Variants in DNTT observed in about 807,000 individuals in gnomAD.
DNTT encodes DNA nucleotidylexotransferase, also known as nucleosidetriphosphate:DNA deoxynucleotidylexotransferase.
Under a neutral mutation model 60.9 loss-of-function variants are expected in DNTT, and 47 were observed. That is an observed-to-expected ratio of 0.77 (90% confidence interval 0.61 to 0.98). DNTT has a LOEUF of 0.98. DNTT is among the 50% of genes least tolerant of loss of function. DNTT has a pLI of 0.00. For synonymous variants in DNTT, 224 were observed against 221.2 expected, an observed-to-expected ratio of 1.01 and a Z score of -0.11; for missense variants, 665 against 627.5, an observed-to-expected ratio of 1.06 and a Z score of -0.64.
intron 1 of DNTT, among the ~76,000 whole-genome samples, chr10:96,310,675 C>A (rs1436413975): frequency 1.3e-5 from 2 of 152,156 alleles, no homozygotes; most frequent in Non-Finnish European, 1.5e-5. Context: ...ATCCAATTAC[C>A]CCTCTCTGAC....
At chr10:96,318,281 C>A in intron 1 of DNTT, 71 bp from the exon 2 acceptor site, 1 of 1,532,184 alleles carries the variant, frequency 6.5e-7, no homozygotes, top group Non-Finnish European at 8.8e-7. Flanking sequence ...TGCTCAGAAA[C>A]CTTGAGGAAA....
chr10:96,304,734 C>G (rs779903516), intron 1 of DNTT, 34 bp downstream of exon 1: 1 of 1,600,848 alleles, frequency 6.2e-7, no homozygotes, highest in Non-Finnish European at 8.5e-7. Flanking sequence ...TGTAAATAAG[C>G]AGAGGCTTTG....
chr10:96,308,969 G>C (rs1015419475), intron 1 of DNTT, among the ~76,000 whole-genome samples: 1 of 152,136 alleles, frequency 6.6e-6, no homozygotes, highest in Non-Finnish European at 1.5e-5. Flanking sequence ...GGATGTATAC[G>C]TGCAGGTCAC....
chr10:96,314,402 C>CTTGTTTTTTT (rs1844758825), intron 1 of DNTT, among the ~76,000 whole-genome samples: 1 of 53,230 alleles, frequency 1.9e-5, no homozygotes, highest in Non-Finnish European at 3.9e-5. Flanking sequence ...TATCTCTTCC[C>CTTGTTTTTTT]TTTTTTTTTT....
At position 96,332,587 on chromosome 10, in the gene DNTT, T is replaced by C; in HGVS notation, c.1350T>C (p.Thr450=). ...GTGCCTTTGCCCTGTTGGGATGGAC[T>C]GGCTCCCGGGTAAGTGCTACATGGA... is the stretch of plus-strand genomic sequence containing the variant. ...ERRAFALLGW[T]GSRQFERDLR... Residue 450 remains threonine, a synonymous_variant, in exon 9 of 11, where the codon ACT becomes ACC. Coordinates refer to ENST00000371174, the MANE Select transcript of DNTT (RefSeq NM_004088.4). The C allele has an allele frequency of 3.1e-6, 5 of 1,613,240 alleles. No individual in the cohort carries two copies. Among genetic ancestry groups the C allele is most frequent in the Non-Finnish European group, 4.2e-6 (5 of 1,179,712 alleles).
At position 96,328,844 on chromosome 10, in the gene DNTT, T is replaced by A. The variant is rs111999650; in HGVS notation, c.1113+14T>A. On this transcript the variant is annotated intron_variant, in intron 8 of 10. Transcript: ENST00000371174. ...TGGGAAAAGAAGGTGAGAAGAAAGA[T>A]GAAAAATACATGCACACGCAAACAT... is the stretch of plus-strand genomic sequence containing the variant. 9.1e-5 allele frequency: 147 copies of A among 1,608,702 alleles called. No individual in the cohort carries two copies. The highest frequency in any genetic ancestry group is 1.6e-4 in the Middle Eastern group (1 of 6,064).
chr10:96,334,107 T>C (rs1033921073), intron 9 of DNTT, among the ~76,000 whole-genome samples: 4 of 152,198 alleles, frequency 2.6e-5, no homozygotes, highest in African/African-American at 9.7e-5. Flanking sequence ...AATTATTATA[T>C]GTTAATTAAA....
intron 1 of DNTT, among the ~76,000 whole-genome samples, chr10:96,307,638 G>C (rs779297107): frequency 5.4e-5 from 8 of 147,924 alleles, no homozygotes; most frequent in Non-Finnish European, 1.0e-4. Flanking sequence ...ACAAGCGTGA[G>C]CACCGTGCCT....
At chr10:96,307,699 G>GTATATATATATA (rs1483322695) in intron 1 of DNTT, among the ~76,000 whole-genome samples, 3 of 68,888 alleles carry the variant, frequency 4.4e-5, no homozygotes, top group Non-Finnish European at 5.8e-5. Flanking sequence ...ATGTGTGTGT[G>GTATATATATATA]TGTGTGTATA....
chr10:96,320,819 C>T, intron 4 of DNTT, 31 bp downstream of exon 4: 7 of 1,610,114 alleles, frequency 4.3e-6, no homozygotes, highest in Middle Eastern at 1.7e-4. Context: ...GTCCCACTTC[C>T]CAATAGGTAG....
chr10:96,336,808 G>C (rs999039990), intron 10 of DNTT, among the ~76,000 whole-genome samples: 2 of 151,736 alleles, frequency 1.3e-5, no homozygotes, highest in African/African-American at 2.4e-5. Flanking sequence ...CAGGTGTGGC[G>C]GCTCGCACAC....
At chr10:96,311,380 A>G (rs1844712025) in intron 1 of DNTT, among the ~76,000 whole-genome samples, 1 of 152,214 alleles carries the variant, frequency 6.6e-6, no homozygotes, top group Non-Finnish European at 1.5e-5. Flanking sequence ...GAAGGAGTCT[A>G]TACCCAGGCA....
At chr10:96,311,787 G>A (rs1175826886) in intron 1 of DNTT, among the ~76,000 whole-genome samples, 1 of 152,164 alleles carries the variant, frequency 6.6e-6, no homozygotes, top group East Asian at 1.9e-4. Context: ...GGGATTACAG[G>A]CACGTGCCAC....
At position 96,304,485 on chromosome 10, in the gene DNTT, G is replaced by A. The variant is rs1844607577; in HGVS notation, c.-13G>A. 6.2e-7 allele frequency: 1 copy of A among 1,613,018 alleles called. No individual in the cohort carries two copies. On this transcript the variant is annotated 5_prime_UTR_variant, in exon 1 of 11. Transcript: ENST00000371174. ...CCAGATGGGCCAGCCAGAGGCAGCA[G>A]CAGCCTCTTCCCATGGATCCACCAC...
At chr10:96,335,205 T>C (rs1429294748) in intron 9 of DNTT, among the ~76,000 whole-genome samples, 1 of 152,220 alleles carries the variant, frequency 6.6e-6, no homozygotes, top group Non-Finnish European at 1.5e-5. Context: ...TGCCCTCCTT[T>C]CCCAAGGTGT....
chr10:96,311,393 T>C (rs1024977040), intron 1 of DNTT, among the ~76,000 whole-genome samples: 3 of 152,008 alleles, frequency 2.0e-5, no homozygotes, highest in African/African-American at 7.2e-5. Flanking sequence ...CCCAGGCAAA[T>C]AAAAATAGCT....
chr10:96,319,481 A>G (rs1436277363), intron 3 of DNTT, 91 bp downstream of exon 3: 2 of 1,570,962 alleles, frequency 1.3e-6, no homozygotes, highest in African/African-American at 2.7e-5. Flanking sequence ...TTTTTCTGAA[A>G]ACCTGGGAAA....
chr10:96,326,820 G>A (rs1327355506), intron 6 of DNTT, among the ~76,000 whole-genome samples: 1 of 152,086 alleles, frequency 6.6e-6, no homozygotes, highest in Non-Finnish European at 1.5e-5. Flanking sequence ...TAATCACCAG[G>A]CTCATCTCCT....
chr10:96,311,116 G>T (rs936862165), intron 1 of DNTT, among the ~76,000 whole-genome samples: 1 of 152,208 alleles, frequency 6.6e-6, no homozygotes, highest in Non-Finnish European at 1.5e-5. Context: ...GTGCTAGTAA[G>T]AGTTTGCAAT....
Sources: gnomAD v4.1 joint callset for allele counts (sites outside exome capture counted in the v4.1 genomes callset) on GRCh38, gnomAD v4.1.1 for gene constraint, MANE v1.5 for transcripts, NCBI Gene and HGNC (gene_info 2026-07-23, HGNC 2026-07-21) for gene names.